PTPRD: variants seen among roughly 807,000 people sequenced by gnomAD.
The protein encoded by PTPRD is receptor-type tyrosine-protein phosphatase delta.
PTPRD carries 34 observed loss-of-function variants against 214.5 expected under a neutral mutation model. That is an observed-to-expected ratio of 0.16 (90% CI 0.12 to 0.21). The LOEUF (loss-of-function observed/expected upper bound fraction) is 0.21, where lower values mean the gene tolerates loss of function less well. Among genes scored for constraint, PTPRD ranks in the 10% least tolerant of loss-of-function variants. The pLI is 1.00. For synonymous variants in PTPRD, 1,128 were observed against 845.7 expected (o/e 1.33, Z -5.79); for missense variants, 2,545 against 2,398.7 (o/e 1.06, Z -1.27).
At chr9:9,366,285 G>A (rs1413306936) in intron 9 of PTPRD, among the ~76,000 whole-genome samples, 1 of 151,484 alleles carries the variant, frequency 6.6e-6, no homozygotes, top group African/African-American at 2.4e-5. Flanking sequence ...TCTTTTTGGT[G>A]AGGATTTACG....
chr9:9,272,261 G>C (rs544299177), intron 9 of PTPRD, among the ~76,000 whole-genome samples: 3 of 151,258 alleles, frequency 2.0e-5, no homozygotes, highest in East Asian at 2.0e-4. Flanking sequence ...CAGTCACTGA[G>C]AGATTGATAT....
intron 4 of PTPRD, among the ~76,000 whole-genome samples, chr9:10,013,996 T>C (rs1293111181): frequency 1.3e-5 from 2 of 151,974 alleles, no homozygotes; most frequent in African/African-American, 4.8e-5. Context: ...TTTATTTTAT[T>C]CCTTAGTCTA....
chr9:10,049,444 A>AG (rs1296712157), intron 3 of PTPRD, among the ~76,000 whole-genome samples: 4 of 151,350 alleles, frequency 2.6e-5, no homozygotes, highest in Non-Finnish European at 5.9e-5. Flanking sequence ...AGAAAAGAAA[A>AG]AAAAAAACCC....
At chr9:10,388,571 T>C (rs2154488983) in intron 2 of PTPRD, among the ~76,000 whole-genome samples, 1 of 151,780 alleles carries the variant, frequency 6.6e-6, no homozygotes, top group East Asian at 2.0e-4. Flanking sequence ...TTTATATTTA[T>C]AGTTAGAAAT....
chr9:9,622,925 G>T (rs1182934979), intron 7 of PTPRD, among the ~76,000 whole-genome samples: 1 of 152,144 alleles, frequency 6.6e-6, no homozygotes, highest in East Asian at 1.9e-4. Context: ...AAGTTCTAGA[G>T]ATTTCACATC....
intron 7 of PTPRD, among the ~76,000 whole-genome samples, chr9:9,726,147 T>C (rs1007447914): frequency 1.3e-4 from 20 of 152,150 alleles, no homozygotes; most frequent in African/African-American, 4.8e-4. Context: ...ACCAAGAAAA[T>C]GTTATCCCAT....
chr9:8,559,870 A>T (rs766376274), intron 14 of PTPRD, among the ~76,000 whole-genome samples: 6 of 152,232 alleles, frequency 3.9e-5, no homozygotes, highest in Non-Finnish European at 8.8e-5. Flanking sequence ...TTCCAACTTC[A>T]TAAGGTGTTT....
Position 9,623,962 on chromosome 9 carries a change from C to A in PTPRD, c.-286-49181G>T, listed in dbSNP as rs570177615. ...GAAAGTTCAAAACTGAGGAAAAGAGCGAGCTAGTTTTGTGGGTCTGGAAAC... is the reference window on the plus strand; with the variant it reads ...GAAAGTTCAAAACTGAGGAAAAGAGAGAGCTAGTTTTGTGGGTCTGGAAAC... On this transcript the variant is annotated intron_variant, in intron 7 of 45. Coordinates refer to ENST00000381196, the MANE Select transcript of PTPRD (RefSeq NM_002839.4). 1.1e-4 allele frequency among the ~76,000 whole-genome samples: 16 copies of A among 152,198 alleles called. No homozygotes were observed. The South Asian group carries it at 3.3e-3, about 32-fold the overall frequency.
At chr9:9,121,163 T>A (rs1417063186) in intron 10 of PTPRD, among the ~76,000 whole-genome samples, 1 of 152,210 alleles carries the variant, frequency 6.6e-6, no homozygotes, top group African/African-American at 2.4e-5. Context: ...GATGCTGTCA[T>A]AGTCACCAAC....
intron 4 of PTPRD, among the ~76,000 whole-genome samples, chr9:9,940,875 G>A (rs1192866333): frequency 1.3e-5 from 2 of 152,044 alleles, no homozygotes; most frequent in East Asian, 3.9e-4. Flanking sequence ...GATATGATCT[G>A]AAGGCTTTCT....
intron 3 of PTPRD, among the ~76,000 whole-genome samples, chr9:10,089,206 AAAATAAATAAAT>A (rs34355367): frequency 1.4e-5 from 2 of 142,584 alleles, no homozygotes; most frequent in Non-Finnish European, 3.0e-5. Context: ...AATCAGTCTC[AAAATAAATAAAT>A]AAATAAATAA....
chr9:9,787,621 G>A (rs1009609015), intron 5 of PTPRD, among the ~76,000 whole-genome samples: 72 of 151,974 alleles, frequency 4.7e-4, no homozygotes, highest in African/African-American at 1.7e-3. Context: ...CCAGGTAAAA[G>A]GGATTTGGGA....
intron 9 of PTPRD, among the ~76,000 whole-genome samples, chr9:9,188,803 AT>A (rs2131723445): frequency 1.0e-5 from 1 of 97,150 alleles, no homozygotes; most frequent in Admixed American, 1.3e-4. Flanking sequence ...TTAGTGCAAA[AT>A]AAATTGTGTG....
chr9:10,350,034 C>G (rs1535662), intron 2 of PTPRD, among the ~76,000 whole-genome samples: 152,343 of 152,344 alleles, frequency 1, 76,171 homozygotes, highest in Middle Eastern at 1. Context: ...GGTCAAATTA[C>G]CTTGGAGGAC....
chr9:9,173,700 C>G (rs141293150), intron 10 of PTPRD, among the ~76,000 whole-genome samples: 2 of 152,226 alleles, frequency 1.3e-5, no homozygotes, highest in African/African-American at 4.8e-5. Flanking sequence ...CTAGTATGCT[C>G]TTACAGGACC....
At position 8,517,907 on chromosome 9, in the gene PTPRD, A is replaced by G; in HGVS notation, c.1484T>C (p.Phe495Ser). 1 of 1,614,200 alleles carries G rather than the reference A, an allele frequency of 6.2e-7. No individual in the cohort carries two copies. ...QKTYSVKVLA[F>S]TSIGDGPLSS... ...AAGGGGACCATCTCCAATTGAGGTAAAAGCCAGGACTTTGACAGAATATGT... is the reference window on the plus strand; with the variant it reads ...AAGGGGACCATCTCCAATTGAGGTAGAAGCCAGGACTTTGACAGAATATGT... The change falls in exon 21 of 46, where the codon TTT becomes TCT. Residue 495 changes from phenylalanine to serine, a missense_variant. Phe to Ser is a radical substitution (Grantham distance 155). Coordinates refer to ENST00000381196, the MANE Select transcript of PTPRD (RefSeq NM_002839.4).
At chr9:10,405,680 A>G (rs1262639963) in intron 2 of PTPRD, among the ~76,000 whole-genome samples, 2 of 151,640 alleles carry the variant, frequency 1.3e-5, no homozygotes, top group East Asian at 2.0e-4. Flanking sequence ...TAACAAGCTT[A>G]TATCTGCAAA....
chr9:9,139,074 C>G (rs1280317870), intron 10 of PTPRD, among the ~76,000 whole-genome samples: 1 of 152,070 alleles, frequency 6.6e-6, no homozygotes, highest in African/African-American at 2.4e-5. Flanking sequence ...ATCATCTATT[C>G]TTACTAGCTA....
intron 35 of PTPRD, among the ~76,000 whole-genome samples, chr9:8,420,228 T>C (rs1384135002): frequency 2.0e-5 from 3 of 152,298 alleles, no homozygotes; most frequent in Admixed American, 2.0e-4. Flanking sequence ...TTTATTTTTG[T>C]ACTGCAGAGT....
Sources: allele counts gnomAD v4.1 joint callset (sites outside exome capture counted in the v4.1 genomes callset), GRCh38; gene constraint gnomAD v4.1.1; transcripts MANE v1.5; gene names NCBI Gene and HGNC (gene_info 2026-07-23, HGNC 2026-07-21).